Variants in NSUN6 observed in about 807,000 individuals in gnomAD.
NSUN6 encodes the protein tRNA (cytosine(72)-C(5))-methyltransferase NSUN6.
In NSUN6, 64 loss-of-function variants were observed where a neutral mutation model predicts 58.0. The ratio of observed to expected loss-of-function variants is 1.10; its 90% confidence interval spans 0.90 to 1.36. NSUN6 has a LOEUF of 1.36. NSUN6 is among the 40% of genes most tolerant of loss of function. The pLI is 0.00. For synonymous variants in NSUN6, 231 were observed against 193.9 expected (o/e 1.19, Z -1.59); for missense variants, 701 against 550.1 (o/e 1.27, Z -2.74).
chr10:18,624,993 T>A (rs1467411872), intron 3 of NSUN6, among the ~76,000 whole-genome samples: 6 of 152,186 alleles, frequency 3.9e-5, no homozygotes, highest in Non-Finnish European at 7.4e-5. Context: ...ACCAGCCCAA[T>A]AAAACCCTTG....
chr10:18,644,497 A>C lies in NSUN6; in HGVS notation c.232-1942T>G, dbSNP rs543937413. 7.2e-3 allele frequency among the ~76,000 whole-genome samples: 579 copies of C among 80,112 alleles called. 8 individuals are homozygous for C. The highest frequency in any genetic ancestry group is 9.1e-3 in the Non-Finnish European group (363 of 39,684). 52.6% of individuals were successfully genotyped at this position (80,112 alleles called of 152,430 possible). The stretch of plus-strand genomic sequence containing the variant: ...ATTATTTTTTTCACTGTATTAAGGT[A>C]TGTCTTTTTTTTTTTTACTGTTAAG... On this transcript the variant is annotated intron_variant, in intron 2 of 10. Transcript: ENST00000377304.
chr10:18,570,530 CCTCCATTCCATTCCGCTCTTTTCCATT>C (rs1292091658), intron 8 of NSUN6, among the ~76,000 whole-genome samples: 7,098 of 145,400 alleles, frequency 0.049, 253 homozygotes, highest in Non-Finnish European at 0.078. Context: ...TCCATTCCAT[CCTCCATTCCATTCCGCTCTTTTCCATT>C]CTCCATTCCA....
At chr10:18,575,820 T>C (rs1456893238) in intron 8 of NSUN6, among the ~76,000 whole-genome samples, 1 of 152,222 alleles carries the variant, frequency 6.6e-6, no homozygotes, top group Admixed American at 6.5e-5. Flanking sequence ...AAACAAAAGA[T>C]CAATTCCTAA....
chr10:18,578,107 T>C lies in NSUN6; in HGVS notation c.922+7842A>G, dbSNP rs372952011. 5.3e-5 allele frequency among the ~76,000 whole-genome samples: 8 copies of C among 152,166 alleles called. No homozygotes were observed. The South Asian group carries it at 1.2e-3, about 24-fold the overall frequency. The stretch of plus-strand genomic sequence containing the variant: ...TTTTGCAGCACCAAAACCTTACTTA[T>C]AACACAGTAAAGGCACACTTATAAC... On this transcript the variant is annotated intron_variant, in intron 8 of 10. Transcript: ENST00000377304.
intron 3 of NSUN6, among the ~76,000 whole-genome samples, chr10:18,626,070 G>C (rs1246389575): frequency 6.6e-6 from 1 of 152,130 alleles, no homozygotes; most frequent in African/African-American, 2.4e-5. Flanking sequence ...CTTTGGGAAA[G>C]GGCAGGGGGT....
At chr10:18,596,970 T>C (rs761365900) in intron 6 of NSUN6, among the ~76,000 whole-genome samples, 1 of 152,178 alleles carries the variant, frequency 6.6e-6, no homozygotes, top group Non-Finnish European at 1.5e-5. Flanking sequence ...TGCCTTGTTT[T>C]ATGCTGCTAA....
upstream of NSUN6, chr10:18,653,237 C>T (rs2059739501): frequency 5.1e-6 from 5 of 983,980 alleles, no homozygotes; most frequent in Admixed American, 2.5e-4. Context: ...CCATAATGGG[C>T]ACTCAAATAC....
At chr10:18,648,032 C>T (rs578171255) in intron 2 of NSUN6, among the ~76,000 whole-genome samples, 1 of 152,292 alleles carries the variant, frequency 6.6e-6, no homozygotes, top group South Asian at 2.1e-4. Context: ...AGCCACCACG[C>T]CTGGCCCAAC....
chr10:18,603,091 G>A (rs1022914399), intron 6 of NSUN6, among the ~76,000 whole-genome samples: 1 of 152,088 alleles, frequency 6.6e-6, no homozygotes, highest in African/African-American at 2.4e-5. Flanking sequence ...CCAGGAGTTC[G>A]AGACCAGCCT....
At chr10:18,555,906 A>AAAATGGAATG (rs1554850206) in intron 8 of NSUN6, among the ~76,000 whole-genome samples, 1 of 140,502 alleles carries the variant, frequency 7.1e-6, no homozygotes, top group Non-Finnish European at 1.5e-5. Flanking sequence ...AATGGAATGG[A>AAAATGGAATG]GAATGGAATG....
chr10:18,583,917 T>C (rs1439783964), intron 8 of NSUN6, among the ~76,000 whole-genome samples: 1 of 152,216 alleles, frequency 6.6e-6, no homozygotes, highest in East Asian at 1.9e-4. Flanking sequence ...TATTCCCCGT[T>C]TGTTTCCTAC....
At chr10:18,654,095 A>G (rs1403680358), upstream of NSUN6, among the ~76,000 whole-genome samples, 1 of 152,086 alleles carries the variant, frequency 6.6e-6, no homozygotes, top group East Asian at 1.9e-4. Context: ...TTGATAAAAC[A>G]CTGATTTAGG....
chr10:18,608,238 G>A (rs2131306255), intron 6 of NSUN6, among the ~76,000 whole-genome samples: 1 of 152,270 alleles, frequency 6.6e-6, no homozygotes, highest in Non-Finnish European at 1.5e-5. Context: ...ATTTCATAAA[G>A]TCATCATTAA....
In NSUN6 at chr10:18,563,520, AGAATGGAGAGTG is replaced by A. The variant is rs771557379; in HGVS notation, c.923-11561_923-11550del. The stretch of plus-strand genomic sequence containing the variant: ...TGGAGAGTGGAATGGAATATGGGAT[AGAATGGAGAGTG>A]GAATGGAGAGTAGAATGGAAAGTGG... On this transcript the variant is annotated intron_variant, in intron 8 of 10. Coordinates refer to ENST00000377304, the MANE Select transcript of NSUN6 (RefSeq NM_182543.5). Among the ~76,000 whole-genome samples the A allele has an allele frequency of 1.8e-3, 277 of 151,084 alleles. 2 individuals carry two copies. The highest frequency in any genetic ancestry group is 3.4e-3 in the Non-Finnish European group (227 of 67,376).
intron 8 of NSUN6, among the ~76,000 whole-genome samples, chr10:18,567,377 C>T (rs1317577768): frequency 6.8e-6 from 1 of 147,242 alleles, no homozygotes; most frequent in Non-Finnish European, 1.5e-5. Flanking sequence ...ATTCCATTTT[C>T]CATTCCATTC....
intron 8 of NSUN6, among the ~76,000 whole-genome samples, chr10:18,570,022 C>T (rs1564736053): frequency 6.6e-6 from 1 of 150,632 alleles, no homozygotes; most frequent in Non-Finnish European, 1.5e-5. Flanking sequence ...TTCCACTATT[C>T]ATTCCATTCT....
chr10:18,600,631 GAA>G (rs2057767479), intron 6 of NSUN6, among the ~76,000 whole-genome samples: 1 of 151,262 alleles, frequency 6.6e-6, no homozygotes, highest in African/African-American at 2.4e-5. Flanking sequence ...CAAAAAAAGA[GAA>G]GAGACTACTA....
At chr10:18,572,814 C>T (rs1312340437) in intron 8 of NSUN6, among the ~76,000 whole-genome samples, 3 of 151,200 alleles carry the variant, frequency 2.0e-5, no homozygotes, top group African/African-American at 7.3e-5. Flanking sequence ...CCATTCCCTT[C>T]CATCCTCCAT....
At chr10:18,633,173 G>T (rs1442034700) in intron 3 of NSUN6, among the ~76,000 whole-genome samples, 6 of 151,034 alleles carry the variant, frequency 4.0e-5, no homozygotes, top group African/African-American at 1.5e-4. Flanking sequence ...ACCAAACACC[G>T]CATATTCTCA....
Sources: gnomAD v4.1 joint callset for allele counts (sites outside exome capture counted in the v4.1 genomes callset) on GRCh38, gnomAD v4.1.1 for gene constraint, MANE v1.5 for transcripts, NCBI Gene and HGNC (gene_info 2026-07-23, HGNC 2026-07-21) for gene names.